The following CEP85L variants were observed in gnomAD, a reference collection of about 807,000 sequenced individuals.
CEP85L encodes centrosomal protein 85L.
Under a neutral mutation model 100.3 loss-of-function variants are expected in CEP85L, and 60 were observed. That is an observed-to-expected ratio of 0.60 (90% CI 0.49 to 0.74). CEP85L has a LOEUF of 0.74. CEP85L is among the 30% of genes least tolerant of loss of function. The pLI, the probability that CEP85L is intolerant of heterozygous loss-of-function variation, is 0.00. For synonymous variants in CEP85L, 319 were observed against 322.7 expected (o/e 0.99, Z 0.12); for missense variants, 973 against 936.2 (o/e 1.04, Z -0.51).
intron 3 of CEP85L, among the ~76,000 whole-genome samples, chr6:118,543,005 G>A (rs1391327287): frequency 6.7e-6 from 1 of 150,146 alleles, no homozygotes; most frequent in Non-Finnish European, 1.5e-5. Flanking sequence ...AACCTTATAA[G>A]GAAAGTAACT....
intron 1 of CEP85L, among the ~76,000 whole-genome samples, chr6:118,666,567 C>A (rs867216782): frequency 6.6e-6 from 1 of 152,126 alleles, no homozygotes; most frequent in Non-Finnish European, 1.5e-5. Flanking sequence ...TTAGTTAATA[C>A]CCCACTTTAT....
intron 3 of CEP85L, among the ~76,000 whole-genome samples, chr6:118,524,573 T>G (rs1776858037): frequency 6.6e-6 from 1 of 152,220 alleles, no homozygotes; most frequent in African/African-American, 2.4e-5. Flanking sequence ...GTGCCATGGC[T>G]TAACTAGACA....
intron 2 of CEP85L, among the ~76,000 whole-genome samples, chr6:118,629,542 ATG>A (rs1029691773): frequency 6.6e-6 from 1 of 152,258 alleles, no homozygotes; most frequent in African/African-American, 2.4e-5. Flanking sequence ...GCTAAGTAGG[ATG>A]TGGAGCAACA....
upstream of CEP85L, among the ~76,000 whole-genome samples, chr6:118,656,123 G>A (rs759748268): frequency 3.9e-5 from 6 of 152,232 alleles, no homozygotes; most frequent in Non-Finnish European, 7.3e-5. Context: ...TTAATCTGCG[G>A]TGGTATATGG....
intron 3 of CEP85L, among the ~76,000 whole-genome samples, chr6:118,530,911 T>C (rs1237775738): frequency 1.3e-5 from 2 of 150,992 alleles, no homozygotes; most frequent in South Asian, 2.1e-4. Flanking sequence ...AAAATCAATA[T>C]TGTTAAAATG....
upstream of CEP85L, among the ~76,000 whole-genome samples, chr6:118,654,404 G>C (rs540495151): frequency 1.3e-5 from 2 of 152,120 alleles, no homozygotes; most frequent in Non-Finnish European, 2.9e-5. Flanking sequence ...TGTAGGAAAA[G>C]TAAACCAACC....
intron 5 of CEP85L, among the ~76,000 whole-genome samples, chr6:118,511,036 T>A (rs140951461): frequency 6.6e-6 from 1 of 152,140 alleles, no homozygotes; most frequent in African/African-American, 2.4e-5. Context: ...AACACACTTA[T>A]ATCTGCTTGT....
At chr6:118,682,125 A>T (rs932148767) in intron 1 of CEP85L, among the ~76,000 whole-genome samples, 1 of 152,074 alleles carries the variant, frequency 6.6e-6, no homozygotes, top group African/African-American at 2.4e-5. Context: ...TGTTCAGACC[A>T]TTTTTTCCAT....
intron 2 of CEP85L, among the ~76,000 whole-genome samples, chr6:118,602,369 C>A (rs1176540772): frequency 6.6e-6 from 1 of 152,096 alleles, no homozygotes. Flanking sequence ...AAAGTTATTC[C>A]AAGTAAACTA....
intron 3 of CEP85L, chr6:118,559,292 A>G: frequency 1.8e-6 from 1 of 562,504 alleles, no homozygotes; most frequent in South Asian, 2.1e-5. Flanking sequence ...ATTTTCAAAA[A>G]TTAACTTCAA....
At chr6:118,540,862 C>T (rs1025286014) in intron 3 of CEP85L, among the ~76,000 whole-genome samples, 3 of 152,146 alleles carry the variant, frequency 2.0e-5, no homozygotes, top group Admixed American at 1.3e-4. Context: ...AACTAATCTG[C>T]ACAACTAATT....
chr6:118,638,154 T>C (rs368599305), intron 1 of CEP85L, among the ~76,000 whole-genome samples: 20 of 151,882 alleles, frequency 1.3e-4, no homozygotes, highest in African/African-American at 4.6e-4. Flanking sequence ...CAAGGTAAGA[T>C]TGCTTAAGCC....
chr6:118,659,460 G>A (rs1252855739), intron 1 of CEP85L, among the ~76,000 whole-genome samples: 1 of 152,136 alleles, frequency 6.6e-6, no homozygotes, highest in African/African-American at 2.4e-5. Context: ...TAGCAAAGTT[G>A]GGCAAGTTAT....
intron 1 of CEP85L, among the ~76,000 whole-genome samples, chr6:118,709,606 C>G (rs1414262891): frequency 6.8e-6 from 1 of 146,754 alleles, no homozygotes; most frequent in Non-Finnish European, 1.5e-5. Context: ...GCCAAGTACC[C>G]TTTACATCCA....
At position 118,592,593 on chromosome 6, in the gene CEP85L, T is replaced by C. The variant is rs570910066; in HGVS notation, c.233-26277A>G. ...AAACATAGTATTATTCACCAATGAA[T>C]TGACTGTTAATAAAAAGCAGAACAG... is the stretch of plus-strand genomic sequence containing the variant. On this transcript the variant is annotated intron_variant, in intron 2 of 12. Transcript: ENST00000368491. Among the ~76,000 whole-genome samples, 20 of 152,250 alleles carry C rather than the reference T, an allele frequency of 1.3e-4. No individual in the cohort carries two copies. The South Asian group carries it at 3.7e-3, about 28-fold the overall frequency.
intron 2 of CEP85L, among the ~76,000 whole-genome samples, chr6:118,620,355 A>C (rs1003538080): frequency 9.9e-5 from 15 of 152,238 alleles, no homozygotes; most frequent in African/African-American, 3.4e-4. Context: ...GCAAGATAAG[A>C]GAAAGACCGC....
At chr6:118,606,131 G>A (rs1772198265) in intron 2 of CEP85L, among the ~76,000 whole-genome samples, 1 of 151,608 alleles carries the variant, frequency 6.6e-6, no homozygotes, top group South Asian at 2.1e-4. Context: ...AAAAAATAAA[G>A]GCCTGTTAAA....
intron 2 of CEP85L, among the ~76,000 whole-genome samples, chr6:118,588,733 T>C (rs1781009002): frequency 6.6e-6 from 1 of 152,230 alleles, no homozygotes; most frequent in African/African-American, 2.4e-5. Flanking sequence ...AACTCAGTAC[T>C]ATAACTAGAA....
At chr6:118,643,095 G>A (rs2115357040) in intron 1 of CEP85L, among the ~76,000 whole-genome samples, 1 of 152,050 alleles carries the variant, frequency 6.6e-6, no homozygotes, top group East Asian at 1.9e-4. Context: ...TAGAACATAA[G>A]AATCATACAC....
Sources: allele counts gnomAD v4.1 joint callset (sites outside exome capture counted in the v4.1 genomes callset), GRCh38; gene constraint gnomAD v4.1.1; transcripts MANE v1.5; gene names NCBI Gene and HGNC (gene_info 2026-07-23, HGNC 2026-07-21).